QTGAL: variants seen among roughly 807,000 people sequenced by gnomAD.
QTGAL encodes queuosine-tRNA galactosyltransferase.
chr17:82,946,279 T>C, the QTGAL span, among the ~76,000 whole-genome samples: 2 of 152,334 alleles, frequency 1.3e-5, no homozygotes, highest in African/African-American at 4.8e-5. Context: ...TAAATGTGAA[T>C]GGATTAAAAC....
the QTGAL span, among the ~76,000 whole-genome samples, chr17:82,994,960 C>A: frequency 1.3e-5 from 2 of 152,166 alleles, no homozygotes; most frequent in Non-Finnish European, 2.9e-5. Flanking sequence ...TCAATTCATG[C>A]TGAAAAAGCA....
At chr17:83,024,046 G>A in the QTGAL span, among the ~76,000 whole-genome samples, 4 of 152,362 alleles carry the variant, frequency 2.6e-5, no homozygotes, top group Non-Finnish European at 5.9e-5. Context: ...AGAGGGTACA[G>A]TGTGGGGAGG....
chr17:83,023,526 G>A, the QTGAL span, among the ~76,000 whole-genome samples: 2 of 152,360 alleles, frequency 1.3e-5, no homozygotes, highest in East Asian at 1.9e-4. Flanking sequence ...AAAGAGATGA[G>A]GAAAAACACA....
chr17:82,950,059 G>A, the QTGAL span: 24 of 148,656 alleles, frequency 1.6e-4, no homozygotes, highest in African/African-American at 5.2e-4. Context: ...GGGCTCCAGC[G>A]GCTTCACACG....
At chr17:82,998,948 T>C in the QTGAL span, among the ~76,000 whole-genome samples, 1 of 117,888 alleles carries the variant, frequency 8.5e-6, no homozygotes, top group African/African-American at 3.6e-5. Flanking sequence ...ACATACCTAC[T>C]AGATTAGCTA....
the QTGAL span, among the ~76,000 whole-genome samples, chr17:82,970,172 C>T: frequency 5.3e-5 from 8 of 152,224 alleles, no homozygotes; most frequent in South Asian, 2.1e-4. Context: ...GGAAGAGCCC[C>T]GAGGGGGTCC....
At chr17:83,010,534 G>A in the QTGAL span, among the ~76,000 whole-genome samples, 1 of 152,250 alleles carries the variant, frequency 6.6e-6, no homozygotes, top group Admixed American at 6.5e-5. Context: ...TCTGGGCATG[G>A]GCTCACAGGG....
chr17:82,953,029 G>A, the QTGAL span, among the ~76,000 whole-genome samples: 3 of 152,180 alleles, frequency 2.0e-5, no homozygotes, highest in African/African-American at 7.2e-5. Context: ...GAATCCCTGG[G>A]ACACAGCTAA....
chr17:82,952,251 C>T, the QTGAL span, among the ~76,000 whole-genome samples: 28 of 152,150 alleles, frequency 1.8e-4, no homozygotes, highest in Non-Finnish European at 2.9e-4. Flanking sequence ...AACCGTGACC[C>T]GCCCTGGTGT....
At chr17:82,998,293 T>C in the QTGAL span, among the ~76,000 whole-genome samples, 1,842 of 152,270 alleles carry the variant, frequency 0.012, 42 homozygotes, top group African/African-American at 0.042. Flanking sequence ...TAAAAAAGCA[T>C]GTCCATAAAA....
At chr17:83,017,771 C>T in the QTGAL span, among the ~76,000 whole-genome samples, 169 of 151,754 alleles carry the variant, frequency 1.1e-3, no homozygotes, top group African/African-American at 3.9e-3. Flanking sequence ...GAACATGGTG[C>T]GCCTGTATCA....
the QTGAL span, among the ~76,000 whole-genome samples, chr17:82,988,226 C>T: frequency 4.6e-5 from 7 of 152,028 alleles, no homozygotes; most frequent in East Asian, 1.9e-4. Context: ...AACAGAGCTT[C>T]GACAAACCTG....
chr17:83,044,422 G>A, the QTGAL span, among the ~76,000 whole-genome samples: 1 of 152,140 alleles, frequency 6.6e-6, no homozygotes, highest in Non-Finnish European at 1.5e-5. Flanking sequence ...AAAGGCATTT[G>A]ACAAAATCCG....
At chr17:82,998,935 A>T in the QTGAL span, among the ~76,000 whole-genome samples, 1 of 149,470 alleles carries the variant, frequency 6.7e-6, no homozygotes, top group African/African-American at 2.5e-5. Context: ...ACGAGATACC[A>T]CTACATACCT....
the QTGAL span, among the ~76,000 whole-genome samples, chr17:82,973,656 A>G: frequency 2.6e-5 from 4 of 151,948 alleles, no homozygotes; most frequent in East Asian, 7.8e-4. Flanking sequence ...GTGCAACCGA[A>G]GCCTACACCG....
chr17:82,956,254 A>T, the QTGAL span, among the ~76,000 whole-genome samples: 1 of 151,996 alleles, frequency 6.6e-6, no homozygotes, highest in East Asian at 1.9e-4. The surrounding 1 kb of genome is among the most constrained non-coding windows in gnomAD (Gnocchi z 5.7). Context: ...AGCCCGAGGC[A>T]CCCATCACCT....
chr17:82,942,371 A>G, the QTGAL span: 1 of 1,603,970 alleles, frequency 6.2e-7, no homozygotes, highest in Non-Finnish European at 8.5e-7. Context: ...CACAGGGCCC[A>G]GAGGGGTGAG....
At chr17:83,038,328 C>T in the QTGAL span, among the ~76,000 whole-genome samples, 2 of 152,226 alleles carry the variant, frequency 1.3e-5, no homozygotes, top group Non-Finnish European at 2.9e-5. Context: ...TTCAGCCCTT[C>T]ACCTCGGTCC....
chr17:83,013,969 G>A, the QTGAL span, among the ~76,000 whole-genome samples: 2 of 152,088 alleles, frequency 1.3e-5, no homozygotes, highest in African/African-American at 4.8e-5. Context: ...GGGGGATGGA[G>A]GAGCCCACGG....
Sources: gnomAD v4.1 joint callset for allele counts (sites outside exome capture counted in the v4.1 genomes callset) on GRCh38, gnomAD v4.1.1 for gene constraint, Gnocchi (gnomAD v3.1) non-coding constraint, MANE v1.5 for transcripts, NCBI Gene and HGNC (gene_info 2026-07-23, HGNC 2026-07-21) for gene names.